FLG: variants seen among roughly 807,000 people sequenced by gnomAD.
FLG encodes filaggrin.
In FLG, 6 loss-of-function variants were observed where a neutral mutation model predicts 3.8. The observed-to-expected ratio is 1.60, with a 90% CI of 0.87 to 3.15. FLG has a LOEUF of 3.15. Ranked by LOEUF, FLG falls within the 30% of genes most tolerant of loss-of-function variation. The pLI, the probability that FLG is intolerant of heterozygous loss-of-function variation, is 0.00. For missense variants in FLG, 7,595 were observed against 5,050.9 expected, an observed-to-expected ratio of 1.50 and a Z score of -15.27; for synonymous variants, 2,551 against 1,931.6, an observed-to-expected ratio of 1.32 and a Z score of -8.41.
In FLG at chr1:152,311,143, C is replaced by A; in HGVS notation, c.3743G>T (p.Arg1248Ile). 6.2e-7 allele frequency: 1 copy of A among 1,613,936 alleles called. No homozygotes were observed. The highest frequency in any genetic ancestry group is 8.5e-7 in the Non-Finnish European group (1 of 1,180,006). Residue 1248 changes from arginine (R) to isoleucine (I), a missense_variant, in exon 3 of 3, where the codon AGA becomes ATA. Arg to Ile is a moderately conservative substitution (Grantham distance 97). Transcript: ENST00000368799. ...TTGTTCCTGTCCCACCTGTGAGTGT[C>A]TAGAGCTGTCAGCCCAAGAGGCAGC... The part of the protein sequence containing the change: ...HEAASWADSS[R>I]HSQVGQEQSS...
rs79212820 is a variant in FLG at position 152,304,609 on chromosome 1, G to A, written c.10277C>T (p.Ala3426Val). 8.3e-5 allele frequency: 134 copies of A among 1,610,294 alleles called. 1 individual carries two copies. The East Asian group carries it at 2.0e-3, about 24-fold the overall frequency. The change falls in exon 3 of 3, where the codon GCG becomes GTG. Residue 3426 changes from alanine to valine, a missense_variant. Transcript: ENST00000368799. ...EQARDSSRHS[A>V]SQEGQDTIRG... ...AATGGTGTCCTGACCCTCTTGGGAC[G>A]CTGAGTGCCTGGAGCTGTCTCGTGC...
intron 1 of FLG, among the ~76,000 whole-genome samples, chr1:152,323,590 C>T (rs1653049882): frequency 6.6e-6 from 1 of 151,288 alleles, no homozygotes; most frequent in Non-Finnish European, 1.5e-5. Flanking sequence ...TGTGAGACCT[C>T]AATACACCCA....
In FLG at chr1:152,306,238, C is replaced by A. The variant is rs150721646; in HGVS notation, c.8648G>T (p.Arg2883Ile). ...CACACTGGATCCCTGGCGCCTGCTT[C>A]TCCTGGACCCCTCTGATTGTCCCTG... Reference protein sequence around the residue: ...AVQGQSEGSRRSRRQGSSVSQ... With the variant: ...AVQGQSEGSRISRRQGSSVSQ... The change falls in exon 3 of 3, where the codon AGA becomes ATA. Residue 2883 changes from arginine (R) to isoleucine (I), a missense_variant. By Grantham distance (97) the Arg-to-Ile change is moderately conservative (BLOSUM62 -3). Transcript: ENST00000368799. 1 of 1,600,936 alleles carries A rather than the reference C, an allele frequency of 6.2e-7. No individual in the cohort carries two copies. The highest frequency in any genetic ancestry group is 8.5e-7 in the Non-Finnish European group (1 of 1,179,824).
In FLG at chr1:152,302,761, G is replaced by C. The variant is rs1347308572; in HGVS notation, c.12125C>G (p.Ser4042Cys). Residue 4042 changes from serine to cysteine, a missense_variant, in exon 3 of 3, where the codon TCT becomes TGT. Ser to Cys is a moderately radical substitution (Grantham distance 112). Transcript: ENST00000368799. ...TCCCAGTTGTTTCGATATATCACTA[G>C]AATGGCCACATAAACCTGGGTCCTT... ...INKDPGLCGH[S>C]SDISKQLGFS... The C allele has an allele frequency of 6.2e-7, 1 of 1,614,066 alleles. No homozygotes were observed. The highest frequency in any genetic ancestry group is 1.7e-5 in the Admixed American group (1 of 60,008).
chr1:152,313,018 T>C lies in FLG; in HGVS notation c.1868A>G (p.Gln623Arg). Residue 623 changes from glutamine to arginine, a missense_variant, in exon 3 of 3, where the codon CAG (glutamine) becomes CGG (arginine). Gln to Arg is a conservative substitution (Grantham distance 43). Coordinates refer to ENST00000368799, the MANE Select transcript of FLG (RefSeq NM_002016.2). ...TSRNQGSSVSQDSDSQGHSED... is the reference protein window; with the variant it reads ...TSRNQGSSVSRDSDSQGHSED... ...TGAGTGTCCCTGACTGTCACTGTCC[T>C]GGCTAACACTGGATCCCTGGTTCCT... 1.2e-6 allele frequency: 2 copies of C among 1,614,038 alleles called. No homozygotes were observed. The highest frequency in any genetic ancestry group is 1.1e-5 in the South Asian group (1 of 91,064).
rs142067855 is a variant in FLG, at chr1:152,308,541, T to C, written c.6345A>G (p.Gln2115=). The change falls in exon 3 of 3, where the codon CAA becomes CAG. Residue 2115 remains glutamine (Q), a synonymous_variant. Transcript: ENST00000368799. Reference sequence around the variant, plus strand: ...CTTGTGCCTGATCATAATGGGATCCTTGTCTTCCTCCAGTGCTGGGCGCAG... The same window carrying C: ...CTTGTGCCTGATCATAATGGGATCCCTGTCTTCCTCCAGTGCTGGGCGCAG... ...GQSAPSTGGR[Q]GSHYDQAQDS... is the part of the protein sequence containing the mutation. 2.5e-6 allele frequency: 4 copies of C among 1,613,774 alleles called. No homozygotes were observed. In the Admixed American group the frequency reaches 5.0e-5, roughly 20 times the overall value.
Position 152,309,350 on chromosome 1 carries a change from T to C in FLG, c.5536A>G (p.Thr1846Ala), listed in dbSNP as rs994158772. The C allele has an allele frequency of 2.5e-6, 4 of 1,613,646 alleles. No homozygotes were observed. In the African/African-American group the frequency reaches 4.0e-5, roughly 16 times the overall value. Reference protein sequence around the residue: ...SGHSGSHHSHTTSQERSDVSR... With the variant: ...SGHSGSHHSHATSQERSDVSR... ...ACATCAGACCTTTCCTGGGACGTGG[T>C]GTGGCTGTGATGAGACCCTGAGTGT... Residue 1846 changes from threonine (T) to alanine (A), a missense_variant, in exon 3 of 3, where the codon ACC (threonine) becomes GCC (alanine). Thr to Ala is a moderately conservative substitution (Grantham distance 58, BLOSUM62 0). Transcript: ENST00000368799.
rs149953408 is a variant in FLG at position 152,304,711 on chromosome 1, G to A, written c.10175C>T (p.Thr3392Ile). ...RSGSFLYQVSTHEQSESAHGR... is the reference protein window; with the variant it reads ...RSGSFLYQVSIHEQSESAHGR... ...ATGGGCAGACTCAGACTGTTCATGA[G>A]TGCTCACCTGGTAGAGGAAAGACCC... Residue 3392 changes from threonine (T) to isoleucine (I), a missense_variant, in exon 3 of 3, where the codon ACT becomes ATT. By Grantham distance (89) the Thr-to-Ile change is moderately conservative. Coordinates refer to ENST00000368799, the MANE Select transcript of FLG (RefSeq NM_002016.2). The A allele has an allele frequency of 2.4e-5, 39 of 1,613,328 alleles. No homozygotes were observed. In the African/African-American group the frequency reaches 4.8e-4, roughly 20 times the overall value.
Position 152,310,426 on chromosome 1 carries a change from T to C in FLG, c.4460A>G (p.Asp1487Gly), listed in dbSNP as rs1164397963. Residue 1487 changes from aspartate to glycine, a missense_variant, in exon 3 of 3, where the codon GAC (aspartate) becomes GGC (glycine). Transcript: ENST00000368799. Reference protein sequence around the residue: ...SRHSASQDGQDTIRGHPGSSR... With the variant: ...SRHSASQDGQGTIRGHPGSSR... ...TGACCCCGGGTGTCCACGAATGGTGTCCTGACCGTCTTGGGATGCTGAGTG... is the reference window on the plus strand; with the variant it reads ...TGACCCCGGGTGTCCACGAATGGTGCCCTGACCGTCTTGGGATGCTGAGTG... 2 of 1,613,442 alleles carry C rather than the reference T, an allele frequency of 1.2e-6. No homozygotes were observed. The highest frequency in any genetic ancestry group is 8.5e-7 in the Non-Finnish European group (1 of 1,179,824).
At position 152,306,202 on chromosome 1, in the gene FLG, C is replaced by G. The variant is rs372777418; in HGVS notation, c.8684G>C (p.Ser2895Thr). ...GTCTTCTGAATGTCCCTCACTGTCA[C>G]TGTCCTGGCTCACACTGGATCCCTG... ...RRQGSSVSQDSDSEGHSEDSE... is the reference protein window; with the variant it reads ...RRQGSSVSQDTDSEGHSEDSE... The change falls in exon 3 of 3, where the codon AGT becomes ACT. Residue 2895 changes from serine (S) to threonine (T), a missense_variant. Transcript: ENST00000368799. 3.3e-5 allele frequency: 53 copies of G among 1,603,674 alleles called. 13 individuals are homozygous for G. The African/African-American group carries it at 8.0e-4, about 24-fold the overall frequency.
At chr1:152,314,857 G>A in intron 2 of FLG, 110 bp from the exon 3 acceptor site, 1 of 1,422,716 alleles carries the variant, frequency 7.0e-7, no homozygotes, top group Non-Finnish European at 9.6e-7. Flanking sequence ...TAAAAAGTGG[G>A]ACAAAATCTT....
In FLG at chr1:152,304,202, T is replaced by C. The variant is rs1651778808; in HGVS notation, c.10684A>G (p.Asn3562Asp). ...TGCTCCTGAGCAGATCCACGATGGT[T>C]TCTGGAAGCAGACCCAGACCACCTC... is the stretch of plus-strand genomic sequence containing the variant. The part of the protein sequence containing the change: ...SERWSGSASR[N>D]HRGSAQEQSR... The change falls in exon 3 of 3, where the codon AAC (asparagine) becomes GAC (aspartate). Residue 3562 changes from asparagine (N) to aspartate (D), a missense_variant. By Grantham distance (23) the Asn-to-Asp change is conservative. Coordinates refer to ENST00000368799, the MANE Select transcript of FLG (RefSeq NM_002016.2). 2 of 1,611,570 alleles carry C rather than the reference T, an allele frequency of 1.2e-6. No homozygotes were observed. The highest frequency in any genetic ancestry group is 1.3e-5 in the African/African-American group (1 of 74,162).
chr1:152,314,671 G>T lies in FLG; in HGVS notation c.215C>A (p.Thr72Asn), dbSNP rs746246378. 7 of 1,613,936 alleles carry T rather than the reference G, an allele frequency of 4.3e-6. No homozygotes were observed. Among genetic ancestry groups the T allele is most frequent in the Middle Eastern group, 3.3e-4 (2 of 6,082 alleles). ...DIDHNKKIDF[T>N]EFLLMVFKLA... ...CTTGAATACCATCAGAAGAAACTCA[G>T]TGAAGTCAATTTTCTTGTTGTGGTC... The change falls in exon 3 of 3, where the codon ACT (threonine) becomes AAT (asparagine). Residue 72 changes from threonine (T) to asparagine (N), a missense_variant. Transcript: ENST00000368799.
chr1:152,310,560 G>A lies in FLG; in HGVS notation c.4326C>T (p.Leu1442=), dbSNP rs1205276108. 1 of 1,613,914 alleles carries A rather than the reference G, an allele frequency of 6.2e-7. No homozygotes were observed. The highest frequency in any genetic ancestry group is 8.5e-7 in the Non-Finnish European group (1 of 1,179,938). ...GESSGRSRSF[L]YQVSSHEQSE... is the part of the protein sequence containing the mutation. Reference sequence around the variant, plus strand: ...ACTGTTCATGAGAGCTCACCTGGTAGAGGAAAGACCTTGAACGTCCAGAGC... The same window carrying A: ...ACTGTTCATGAGAGCTCACCTGGTAAAGGAAAGACCTTGAACGTCCAGAGC... The change falls in exon 3 of 3, where the codon CTC becomes CTT. Residue 1442 remains leucine (L), a synonymous_variant. Coordinates refer to ENST00000368799, the MANE Select transcript of FLG (RefSeq NM_002016.2).
In FLG at chr1:152,304,199, G is replaced by T. The variant is rs199562838; in HGVS notation, c.10687C>A (p.His3563Asn). Reference protein sequence around the residue: ...ERWSGSASRNHRGSAQEQSRD... With the variant: ...ERWSGSASRNNRGSAQEQSRD... ...GACTGCTCCTGAGCAGATCCACGAT[G>T]GTTTCTGGAAGCAGACCCAGACCAC... The change falls in exon 3 of 3, where the codon CAT becomes AAT. Residue 3563 changes from histidine to asparagine, a missense_variant. Coordinates refer to ENST00000368799, the MANE Select transcript of FLG (RefSeq NM_002016.2). The T allele has an allele frequency of 2.0e-5, 33 of 1,611,502 alleles. No homozygotes were observed. The highest frequency in any genetic ancestry group is 2.6e-5 in the Non-Finnish European group (31 of 1,179,594).
chr1:152,309,559 T>A lies in FLG; in HGVS notation c.5327A>T (p.Glu1776Val). The A allele has an allele frequency of 6.2e-7, 1 of 1,613,860 alleles. No individual in the cohort carries two copies. Among genetic ancestry groups the A allele is most frequent in the African/African-American group, 1.3e-5 (1 of 74,928 alleles). Residue 1776 changes from glutamate (E) to valine (V), a missense_variant, in exon 3 of 3, where the codon GAG becomes GTG. Coordinates refer to ENST00000368799, the MANE Select transcript of FLG (RefSeq NM_002016.2). The part of the protein sequence containing the change: ...LYQVSTHEQS[E>V]SAHGRTGPST... ...GGGCCCTGTGCGTCCATGGGCGGAC[T>A]CAGACTGTTCATGAGTGCTCACCTG...
In FLG at chr1:152,306,141, A is replaced by G. The variant is rs1651944612; in HGVS notation, c.8745T>C (p.His2915=). 6.2e-7 allele frequency: 1 copy of G among 1,600,298 alleles called. No individual in the cohort carries two copies. The highest frequency in any genetic ancestry group is 1.6e-5 in the African/African-American group (1 of 61,632). Residue 2915 remains histidine, a synonymous_variant, in exon 3 of 3, where the codon CAT becomes CAC. Coordinates refer to ENST00000368799, the MANE Select transcript of FLG (RefSeq NM_002016.2). ...ERWSGSASRN[H]HGSAQEQLRD... ...TTAGCTGCTCCTGAGCAGATCCATG[A>G]TGGTTTCTGGAAGCAGACCCAGACC...
In FLG at chr1:152,307,648, G is replaced by T; in HGVS notation, c.7238C>A (p.Ser2413Tyr). The change falls in exon 3 of 3, where the codon TCT (serine) becomes TAT (tyrosine). Residue 2413 changes from serine (S) to tyrosine (Y), a missense_variant. Physicochemically the swap from Ser to Tyr is moderately radical, Grantham distance 144. Transcript: ENST00000368799. ...ATGAGTGCTCACCTGGTAGAGGAAA[G>T]ACCCTGAACGTCCAGACCTTCCTGC... ...RSAGRSGRSG[S>Y]FLYQVSTHEQ... 5 of 1,613,542 alleles carry T rather than the reference G, an allele frequency of 3.1e-6. No homozygotes were observed. The highest frequency in any genetic ancestry group is 4.2e-6 in the Non-Finnish European group (5 of 1,179,868).
intron 1 of FLG, among the ~76,000 whole-genome samples, chr1:152,320,727 C>G (rs3134873): frequency 0.1 from 15,024 of 150,912 alleles, 2,455 homozygotes; most frequent in African/African-American, 0.34. Flanking sequence ...ACATTGAACA[C>G]TACACCTAAC....
Sources: allele counts gnomAD v4.1 joint callset (sites outside exome capture counted in the v4.1 genomes callset), GRCh38; gene constraint gnomAD v4.1.1; transcripts MANE v1.5; gene names NCBI Gene and HGNC (gene_info 2026-07-23, HGNC 2026-07-21).